LAMC2: variants seen among roughly 807,000 people sequenced by gnomAD.
LAMC2 encodes laminin subunit gamma 2.
LAMC2 carries 97 observed loss-of-function variants against 140.2 expected under a neutral mutation model. The ratio of observed to expected loss-of-function variants is 0.69; its 90% CI spans 0.59 to 0.82. LAMC2 has a LOEUF of 0.82. Ranked by LOEUF, LAMC2 falls within the 40% of genes least tolerant of loss-of-function variation. LAMC2 has a pLI of 0.00. For missense variants in LAMC2, 1,402 were observed against 1,476.1 expected, an observed-to-expected ratio of 0.95 and a Z score of 0.82; for synonymous variants, 513 against 540.2, an observed-to-expected ratio of 0.95 and a Z score of 0.70.
chr1:183,221,076 T>C, intron 5 of LAMC2, 115 bp downstream of exon 5: 2 of 1,001,236 alleles, frequency 2.0e-6, no homozygotes, highest in Middle Eastern at 2.6e-4. Context: ...TCTCTTATAG[T>C]ATTGAATGTA....
chr1:183,191,386 T>C (rs1337661615), intron 1 of LAMC2, among the ~76,000 whole-genome samples: 1 of 152,152 alleles, frequency 6.6e-6, no homozygotes, highest in Non-Finnish European at 1.5e-5. Context: ...ATTGTTGATT[T>C]GTGATTCGTG....
intron 18 of LAMC2, 43 bp downstream of exon 18, chr1:183,237,547 A>G (rs749735627): frequency 6.8e-7 from 1 of 1,473,018 alleles, no homozygotes; most frequent in Non-Finnish European, 9.5e-7. Context: ...GATGTATTGA[A>G]TGCCCACCAT....
chr1:183,243,160 T>G lies in LAMC2; in HGVS notation c.3342T>G (p.Ser1114Arg), dbSNP rs1236018596. The change falls in exon 23 of 23, where the codon AGT becomes AGG. Residue 1114 changes from serine to arginine, a missense_variant. By Grantham distance (110) the Ser-to-Arg change is moderately radical. This residue lies in a region of LAMC2 where 670 missense variants were observed against 667.2 expected (regional missense o/e 1.00). Transcript: ENST00000264144. Reference sequence around the variant, plus strand: ...TCCTTGAAATAGACCAGCCTCTCAGTGTAGATGAAGAGGGGCTGGTCTTAC... The same window carrying G: ...TCCTTGAAATAGACCAGCCTCTCAGGGTAGATGAAGAGGGGCTGGTCTTAC... ...GLLHLMDQPL[S>R]VDEEGLVLLE... 3 of 1,613,554 alleles carry G rather than the reference T, an allele frequency of 1.9e-6. No individual in the cohort carries two copies. The highest frequency in any genetic ancestry group is 2.5e-6 in the Non-Finnish European group (3 of 1,179,890).
At chr1:183,210,329 C>G (rs780384244) in intron 2 of LAMC2, among the ~76,000 whole-genome samples, 2 of 152,176 alleles carry the variant, frequency 1.3e-5, no homozygotes, top group Non-Finnish European at 2.9e-5. Flanking sequence ...TCTTGCTGCT[C>G]CAGCATCCCC....
Position 183,186,386 on chromosome 1 carries a change from T to G in LAMC2, c.34T>G (p.Phe12Val). The change falls in exon 1 of 23, where the codon TTC becomes GTC. Residue 12 changes from phenylalanine to valine, a missense_variant. Coordinates refer to ENST00000264144, the MANE Select transcript of LAMC2 (RefSeq NM_005562.3). ...GCTCTGGCTGGGCTGCTGCCTCTGC[T>G]TCTCGCTCCTCCTGCCCGCAGCCCG... ...PALWLGCCLC[F>V]SLLLPAARAT... 6.2e-7 allele frequency: 1 copy of G among 1,605,872 alleles called. No homozygotes were observed.
Position 183,239,437 on chromosome 1 carries a change from G to A in LAMC2, c.2943G>A (p.Gln981=). 6.2e-7 allele frequency: 1 copy of A among 1,614,206 alleles called. No homozygotes were observed. Among genetic ancestry groups the A allele is most frequent in the Non-Finnish European group, 8.5e-7 (1 of 1,180,028 alleles). ...TGAAGAGACTCTCCTACATCAGCCA[G>A]AAGGTTTCAGATGCCAGTGACAAGA... ...EAMKRLSYIS[Q]KVSDASDKTQ... Residue 981 remains glutamine (Q), a synonymous_variant, in exon 20 of 23, where the codon CAG becomes CAA. Transcript: ENST00000264144.
At chr1:183,252,552 CGAG>C in the LAMC2 span, 27 of 953,818 alleles carry the variant, frequency 2.8e-5, no homozygotes, top group Non-Finnish European at 4.3e-5. Context: ...ACAGTCAAGA[CGAG>C]GAGATGGAGA....
At chr1:183,234,966 C>A (rs1659908739) in intron 15 of LAMC2, among the ~76,000 whole-genome samples, 1 of 152,144 alleles carries the variant, frequency 6.6e-6, no homozygotes, top group Admixed American at 6.5e-5. Flanking sequence ...TTGCTGGTAG[C>A]GGTCTGCTCA....
At chr1:183,236,423 C>T (rs777351105) in intron 16 of LAMC2, 37 bp from the exon 17 acceptor site, 2 of 1,502,708 alleles carry the variant, frequency 1.3e-6, no homozygotes, top group Non-Finnish European at 1.8e-6. Context: ...TCAAAGTCCT[C>T]TTTTTATTAC....
At chr1:183,232,584 C>T in intron 13 of LAMC2, 68 bp from the exon 14 acceptor site, 1 of 1,404,642 alleles carries the variant, frequency 7.1e-7, no homozygotes, top group South Asian at 1.2e-5. Context: ...AGTCAACCCT[C>T]CGTTATGTTT....
chr1:183,209,435 C>T (rs1329652219), intron 2 of LAMC2, among the ~76,000 whole-genome samples: 1 of 152,106 alleles, frequency 6.6e-6, no homozygotes, highest in Non-Finnish European at 1.5e-5. Context: ...AGGCCCATAT[C>T]GCAGCAGTCA....
intron 1 of LAMC2, among the ~76,000 whole-genome samples, chr1:183,188,732 A>G (rs1172514769): frequency 6.6e-6 from 1 of 152,236 alleles, no homozygotes; most frequent in East Asian, 1.9e-4. Flanking sequence ...CAGAAAGACC[A>G]AGGCTCCCCT....
intron 2 of LAMC2, among the ~76,000 whole-genome samples, chr1:183,208,771 C>T (rs1658980615): frequency 6.6e-6 from 1 of 152,156 alleles, no homozygotes; most frequent in South Asian, 2.1e-4. Context: ...CCTCCGCCTC[C>T]TAGGTTCAAG....
intron 11 of LAMC2, among the ~76,000 whole-genome samples, chr1:183,229,372 C>T (rs543275637): frequency 6.6e-6 from 1 of 152,248 alleles, no homozygotes; most frequent in South Asian, 2.1e-4. Flanking sequence ...AATGGTGGCT[C>T]ACACCTGCAG....
chr1:183,197,888 GCACCGA>G (rs147774268), intron 1 of LAMC2, among the ~76,000 whole-genome samples: 2,441 of 152,078 alleles, frequency 0.016, 75 homozygotes, highest in African/African-American at 0.056. Flanking sequence ...GCCCTGAGGA[GCACCGA>G]CATTTAGAGT....
chr1:183,237,078 T>C (rs1026703576), intron 17 of LAMC2, among the ~76,000 whole-genome samples: 1 of 152,214 alleles, frequency 6.6e-6, no homozygotes, highest in Non-Finnish European at 1.5e-5. Context: ...CCCATGGATA[T>C]ATGTTCCCAT....
chr1:183,249,263 T>G (rs1240012729), downstream of LAMC2: 1 of 152,124 alleles, frequency 6.6e-6, no homozygotes, highest in East Asian at 1.9e-4. Flanking sequence ...TGGGGGTGTG[T>G]GACTGAGGTA....
intron 2 of LAMC2, among the ~76,000 whole-genome samples, chr1:183,212,946 A>G (rs894556892): frequency 4.6e-5 from 7 of 152,146 alleles, no homozygotes; most frequent in African/African-American, 1.7e-4. Flanking sequence ...TGGCTCTCAC[A>G]ATGCTTCCCT....
intron 2 of LAMC2, among the ~76,000 whole-genome samples, chr1:183,209,888 A>G (rs907721129): frequency 4.6e-5 from 7 of 152,104 alleles, no homozygotes; most frequent in Admixed American, 3.3e-4. Flanking sequence ...GGCAAGTGAA[A>G]CTGGCTCCTT....
Sources: gnomAD v4.1 joint callset for allele counts (sites outside exome capture counted in the v4.1 genomes callset) on GRCh38, gnomAD v4.1.1 for gene constraint, gnomAD v4.1.1 regional missense constraint, MANE v1.5 for transcripts, NCBI Gene and HGNC (gene_info 2026-07-23, HGNC 2026-07-21) for gene names.